Variants in GLIS3 observed in about 807,000 individuals in gnomAD.
GLIS3 encodes GLIS family zinc finger 3.
GLIS3 carries 53 observed loss-of-function variants against 78.6 expected under a neutral mutation model. The observed-to-expected ratio is 0.67, with a 90% confidence interval of 0.54 to 0.85. The LOEUF is 0.85. Ranked by LOEUF, GLIS3 falls within the 40% of genes least tolerant of loss-of-function variation. The pLI, the probability that GLIS3 is intolerant of heterozygous loss-of-function variation, is 0.00. For synonymous variants in GLIS3, 684 were observed against 509.9 expected (o/e 1.34, Z -4.60); for missense variants, 1,703 against 1,231.1 (o/e 1.38, Z -5.74).
chr9:4,420,914 G>A, the GLIS3 span, among the ~76,000 whole-genome samples: 11 of 152,200 alleles, frequency 7.2e-5, no homozygotes, highest in African/African-American at 2.2e-4. Context: ...TTAAGAAATA[G>A]AGCCTTCATT....
In GLIS3 at chr9:4,332,775, C is replaced by T. The variant is rs147943946; in HGVS notation, n.264+14306G>A. ...ACAGATTAAATTTGATACAAATGTA[C>T]ATAGGTGTTCCTCTACACATCTATT... On this transcript the variant is annotated intron_variant and non_coding_transcript_variant, in intron 2 of 4. Coordinates refer to the GLIS3 transcript ENST00000471664. Among the ~76,000 whole-genome samples, 33 of 152,324 alleles carry T rather than the reference C, an allele frequency of 2.2e-4. No individual in the cohort carries two copies. The East Asian group carries it at 5.0e-3, about 23-fold the overall frequency.
chr9:4,274,846 T>A (rs578061680), intron 2 of GLIS3, among the ~76,000 whole-genome samples: 1 of 152,280 alleles, frequency 6.6e-6, no homozygotes, highest in East Asian at 1.9e-4. Context: ...GCCCTGTACA[T>A]TTCTAACCAG....
chr9:4,447,081 T>G, the GLIS3 span, among the ~76,000 whole-genome samples: 1 of 152,054 alleles, frequency 6.6e-6, no homozygotes, highest in Non-Finnish European at 1.5e-5. Flanking sequence ...AAGGTCTCAC[T>G]CTGTTGCCTA....
chr9:3,893,644 C>T (rs1244027321), intron 7 of GLIS3, among the ~76,000 whole-genome samples: 1 of 152,150 alleles, frequency 6.6e-6, no homozygotes, highest in Non-Finnish European at 1.5e-5. Flanking sequence ...AAGTCATATG[C>T]CTACATTTTA....
chr9:3,852,779 A>T (rs1460974713), intron 9 of GLIS3, among the ~76,000 whole-genome samples: 2 of 152,314 alleles, frequency 1.3e-5, no homozygotes. Context: ...TTGCAACCTC[A>T]TTGCAACAGT....
rs1185533917 is a variant in GLIS3, at chr9:3,827,369, A to G, written c.*903T>C. 6.6e-6 allele frequency: 1 copy of G among 152,258 alleles called. No homozygotes were observed. Among genetic ancestry groups the G allele is most frequent in the East Asian group, 1.9e-4 (1 of 5,192 alleles). The allele number at this position is 152,258 out of a possible 1,614,324, so 9.4% of individuals were successfully genotyped here. ...GAGGCAATGGGTAAACCAGTCAAAC[A>G]ACATTTTTCTTTGAACACAGTCTTT... On this transcript the variant is annotated 3_prime_UTR_variant, in exon 11 of 11. Transcript: ENST00000381971.
intron 2 of GLIS3, among the ~76,000 whole-genome samples, chr9:4,324,017 T>G (rs1207282906): frequency 1.3e-5 from 2 of 152,210 alleles, no homozygotes; most frequent in East Asian, 1.9e-4. Flanking sequence ...CTGGTCTTTT[T>G]GGGACCCTTC....
intron 6 of GLIS3, among the ~76,000 whole-genome samples, chr9:3,905,895 T>C (rs966266361): frequency 7.9e-5 from 12 of 152,168 alleles, no homozygotes; most frequent in Non-Finnish European, 1.6e-4. Context: ...TCTGTAGGGA[T>C]GATGCACACC....
chr9:4,425,333 C>T, the GLIS3 span, among the ~76,000 whole-genome samples: 1 of 152,090 alleles, frequency 6.6e-6, no homozygotes, highest in Non-Finnish European at 1.5e-5. Flanking sequence ...GCAAAATATG[C>T]CACTAATGAC....
chr9:3,829,515 A>T (rs1230569782), intron 9 of GLIS3, 23 bp from the exon 10 acceptor site: 34 of 1,613,222 alleles, frequency 2.1e-5, no homozygotes, highest in Non-Finnish European at 2.6e-5. Flanking sequence ...CATGGCATTG[A>T]GCACAAGTTC....
the GLIS3 span, among the ~76,000 whole-genome samples, chr9:4,444,298 A>C: frequency 6.6e-6 from 1 of 152,240 alleles, no homozygotes; most frequent in Non-Finnish European, 1.5e-5. Context: ...CATACACAAT[A>C]ATAAAGACAT....
At chr9:3,859,973 C>G (rs925282066) in intron 8 of GLIS3, among the ~76,000 whole-genome samples, 3 of 152,046 alleles carry the variant, frequency 2.0e-5, no homozygotes, top group East Asian at 3.9e-4. Flanking sequence ...ATTTTAAAAC[C>G]TCATAAAAAA....
At chr9:4,338,391 C>CACAT (rs1554659908) in intron 2 of GLIS3, among the ~76,000 whole-genome samples, 33 of 138,154 alleles carry the variant, frequency 2.4e-4, no homozygotes, top group African/African-American at 1.0e-3. Context: ...CACACACATA[C>CACAT]ACACACACAC....
At chr9:4,277,926 A>G (rs1194318091) in intron 2 of GLIS3, among the ~76,000 whole-genome samples, 2 of 152,196 alleles carry the variant, frequency 1.3e-5, no homozygotes, top group African/African-American at 2.4e-5. Flanking sequence ...TCCTAGCGAG[A>G]CTAATAAGTT....
At chr9:4,334,331 G>T (rs932316331) in intron 2 of GLIS3, among the ~76,000 whole-genome samples, 2 of 152,150 alleles carry the variant, frequency 1.3e-5, no homozygotes, top group Non-Finnish European at 2.9e-5. Context: ...CTCAAAACAA[G>T]CAACAATTAA....
At position 4,189,737 on chromosome 9, in the gene GLIS3, A is replaced by G. The variant is rs1056038171; in HGVS notation, c.389-63796T>C. On this transcript the variant is annotated intron_variant, in intron 2 of 10. Coordinates refer to ENST00000381971, the MANE Select transcript of GLIS3 (RefSeq NM_001042413.2). The stretch of plus-strand genomic sequence containing the variant: ...CTCTTCTTGTTGAATTGATCCCTTT[A>G]CCATTATGTAATGGCCTTCTTTGTC... Among the ~76,000 whole-genome samples the G allele has an allele frequency of 3.3e-5, 5 of 152,010 alleles. No homozygotes were observed. In the South Asian group the frequency reaches 8.3e-4, roughly 25 times the overall value.
chr9:4,097,323 T>C (rs1174855126), intron 4 of GLIS3, among the ~76,000 whole-genome samples: 1 of 151,868 alleles, frequency 6.6e-6, no homozygotes, highest in African/African-American at 2.4e-5. Context: ...TGAGTGAAGA[T>C]CTATAACATA....
At chr9:4,435,999 C>A in the GLIS3 span, among the ~76,000 whole-genome samples, 1 of 152,056 alleles carries the variant, frequency 6.6e-6, no homozygotes, top group Non-Finnish European at 1.5e-5. Context: ...AAAATCTTCC[C>A]CTAAATTATC....
At chr9:4,322,714 G>C (rs1279740862) in intron 2 of GLIS3, among the ~76,000 whole-genome samples, 2 of 152,140 alleles carry the variant, frequency 1.3e-5, no homozygotes, top group South Asian at 2.1e-4. Flanking sequence ...GTCTTCTTTT[G>C]AAAAGTGTCT....
Sources: allele counts gnomAD v4.1 joint callset (sites outside exome capture counted in the v4.1 genomes callset), GRCh38; gene constraint gnomAD v4.1.1; transcripts MANE v1.5; gene names NCBI Gene and HGNC (gene_info 2026-07-23, HGNC 2026-07-21).